EML1: variants seen among roughly 807,000 people sequenced by gnomAD.
The protein encoded by EML1 is echinoderm microtubule-associated protein-like 1.
In EML1, 27 loss-of-function variants were observed where a neutral mutation model predicts 110.4. The observed-to-expected ratio is 0.24, with a 90% confidence interval of 0.18 to 0.34. The LOEUF (loss-of-function observed/expected upper bound fraction) is 0.34, where lower values mean the gene tolerates loss of function less well. EML1 is among the 10% of genes least tolerant of loss of function. The probability of loss-of-function intolerance (pLI) is 1.00; values close to 1 mark genes in which losing one functional copy is unlikely to be tolerated. For missense variants in EML1, 741 were observed against 1,030.9 expected, an observed-to-expected ratio of 0.72 and a Z score of 3.85; for synonymous variants, 344 against 385.8, an observed-to-expected ratio of 0.89 and a Z score of 1.27.
At chr14:99,791,751 C>T (rs912844390), upstream of EML1, among the ~76,000 whole-genome samples, 4 of 152,194 alleles carry the variant, frequency 2.6e-5, no homozygotes, top group African/African-American at 9.7e-5. Context: ...ACACAGCTCT[C>T]AACAGTGGCC....
At chr14:99,833,675 G>A (rs1356838120) in intron 1 of EML1, among the ~76,000 whole-genome samples, 1 of 152,212 alleles carries the variant, frequency 6.6e-6, no homozygotes, top group African/African-American at 2.4e-5. Flanking sequence ...TCTCTCAGCA[G>A]TGTTTTCTGA....
At chr14:99,848,514 C>T (rs1201770461) in intron 1 of EML1, among the ~76,000 whole-genome samples, 1 of 152,076 alleles carries the variant, frequency 6.6e-6, no homozygotes, top group Non-Finnish European at 1.5e-5. Context: ...ATGAAAGCCA[C>T]TTATAATTAA....
intron 1 of EML1, 27 bp from the exon 2 acceptor site, chr14:99,850,826 G>A (rs780762730): frequency 1.2e-6 from 2 of 1,605,604 alleles, no homozygotes; most frequent in Admixed American, 3.4e-5. Flanking sequence ...AACACTTAAA[G>A]CTCACTTGAT....
At position 99,905,181 on chromosome 14, in the gene EML1, G is replaced by A. The variant is rs1273211095; in HGVS notation, c.1009-2457G>A. ...GCTGCACCACAGCCCTAGGGGCCAA[G>A]CCACATCATAAAGGAAAATTATCTT... On this transcript the variant is annotated intron_variant, in intron 9 of 21. Coordinates refer to ENST00000262233, the MANE Select transcript of EML1 (RefSeq NM_004434.3). The surrounding 1 kb of genome is among the most constrained non-coding windows in gnomAD (Gnocchi z 4.1). Among the ~76,000 whole-genome samples the A allele has an allele frequency of 2.0e-5, 3 of 152,184 alleles. No individual in the cohort carries two copies. The highest frequency in any genetic ancestry group is 4.4e-5 in the Non-Finnish European group (3 of 68,046).
At chr14:99,789,219 T>C (rs2057632556), upstream of EML1, among the ~76,000 whole-genome samples, 1 of 151,648 alleles carries the variant, frequency 6.6e-6, no homozygotes, top group South Asian at 2.1e-4. Context: ...CATTTATTTA[T>C]TTTTTTTGAG....
chr14:99,824,166 G>A (rs566734250), intron 1 of EML1, among the ~76,000 whole-genome samples: 3 of 152,068 alleles, frequency 2.0e-5, no homozygotes, highest in East Asian at 3.9e-4. Context: ...CACTATGTTG[G>A]TCTGGCTGGT....
intron 1 of EML1, among the ~76,000 whole-genome samples, chr14:99,756,865 A>G (rs2057261411): frequency 6.6e-6 from 1 of 152,106 alleles, no homozygotes; most frequent in Non-Finnish European, 1.5e-5. Context: ...CCAGCCTCAC[A>G]CATCCGCACG....
At position 99,939,802 on chromosome 14, in the gene EML1, C is replaced by T. The variant is rs980371988; in HGVS notation, c.2323-185C>T. ...CTCGTGTCTGTCCCCTACCAGGCCACGAGGACTGTGGGCTTTGTTTCTGTG... is the reference window on the plus strand; with the variant it reads ...CTCGTGTCTGTCCCCTACCAGGCCATGAGGACTGTGGGCTTTGTTTCTGTG... On this transcript the variant is annotated intron_variant, in intron 21 of 21. Coordinates refer to ENST00000262233, the MANE Select transcript of EML1 (RefSeq NM_004434.3). The surrounding 1 kb of genome is among the most constrained non-coding windows in gnomAD (Gnocchi z 4.2). Among the ~76,000 whole-genome samples the T allele has an allele frequency of 7.2e-5, 11 of 152,114 alleles. No homozygotes were observed. The South Asian group carries it at 8.3e-4, about 11-fold the overall frequency.
upstream of EML1, among the ~76,000 whole-genome samples, chr14:99,770,779 A>ATTTT (rs34744469): frequency 0.013 from 1,221 of 91,586 alleles, 35 homozygotes; most frequent in Middle Eastern, 0.023. Flanking sequence ...GTTTCCGCTG[A>ATTTT]TTTTTTTTTT....
chr14:99,782,185 A>G (rs1299904929), intron 1 of EML1, among the ~76,000 whole-genome samples: 1 of 149,778 alleles, frequency 6.7e-6, no homozygotes, highest in East Asian at 2.0e-4. Context: ...CTCTTATTCC[A>G]TCTTCCATTG....
chr14:99,795,841 A>G (rs1172868900), intron 1 of EML1, among the ~76,000 whole-genome samples: 1 of 152,200 alleles, frequency 6.6e-6, no homozygotes, highest in Non-Finnish European at 1.5e-5. Flanking sequence ...ACAGAAACTA[A>G]AAAATCATGG....
In EML1 at chr14:99,936,069, C is replaced by T; in HGVS notation, c.1950C>T (p.Ile650=). Residue 650 remains isoleucine, a synonymous_variant, in exon 18 of 22, where the codon ATC becomes ATT. Coordinates refer to ENST00000262233, the MANE Select transcript of EML1 (RefSeq NM_004434.3). This position sits in a 1 kb window ranked among gnomAD's most constrained non-coding sequence, Gnocchi z 5.5. ...CCATAGGCTCACATGACAACTGCAT[C>T]TATATATATGGCGTTAGTGACAACG... ...FLAIGSHDNC[I]YIYGVSDNGR... 6.2e-7 allele frequency: 1 copy of T among 1,614,110 alleles called. No homozygotes were observed. The highest frequency in any genetic ancestry group is 2.2e-5 in the East Asian group (1 of 44,886).
chr14:99,826,162 G>A (rs570358535), intron 1 of EML1, among the ~76,000 whole-genome samples: 1 of 144,038 alleles, frequency 6.9e-6, no homozygotes, highest in Non-Finnish European at 1.5e-5. Context: ...ACCCAGGCTG[G>A]AGTGCAGTGG....
Position 99,796,186 on chromosome 14 carries a change from CAGAGAGAGAGAGAGAGAG to C in EML1, c.67+2671_67+2688del, listed in dbSNP as rs57818494. ...TGGGTGACAAAGTGAGACCCTGTCT[CAGAGAGAGAGAGAGAGAG>C]AGAGAGAGAGAGAGAGAGAGAGAGA... On this transcript the variant is annotated intron_variant, in intron 1 of 21. Coordinates refer to ENST00000262233, the MANE Select transcript of EML1 (RefSeq NM_004434.3). Among the ~76,000 whole-genome samples the C allele has an allele frequency of 1.9e-3, 229 of 119,298 alleles. 2 individuals carry two copies. The highest frequency in any genetic ancestry group is 4.8e-3 in the African/African-American group (156 of 32,314). The allele number at this position is 119,298 out of a possible 152,430, so 78.3% of individuals were successfully genotyped here.
In EML1 at chr14:99,937,809, T is replaced by G; in HGVS notation, c.2096-8T>G. ...CTTAGATGTTGCCAGACTGTTTGCT[T>G]TTTGCAGGGGTTCCCTCTGCCTGTA... On this transcript the variant is annotated splice_region_variant and splice_polypyrimidine_tract_variant and intron_variant, in intron 19 of 21. Coordinates refer to ENST00000262233, the MANE Select transcript of EML1 (RefSeq NM_004434.3). 3.1e-6 allele frequency: 5 copies of G among 1,613,534 alleles called. No individual in the cohort carries two copies. Among genetic ancestry groups the G allele is most frequent in the Non-Finnish European group, 4.2e-6 (5 of 1,179,608 alleles).
chr14:99,770,776 C>CGGGTTTT (rs2057417184), upstream of EML1, among the ~76,000 whole-genome samples: 1 of 111,588 alleles, frequency 9.0e-6, no homozygotes, highest in African/African-American at 3.6e-5. Flanking sequence ...GCAGTTTCCG[C>CGGGTTTT]TGATTTTTTT....
intron 1 of EML1, among the ~76,000 whole-genome samples, chr14:99,830,584 C>A (rs1001859758): frequency 6.6e-6 from 1 of 151,362 alleles, no homozygotes; most frequent in Non-Finnish European, 1.5e-5. Context: ...GAGTCTAGCT[C>A]TTGTCACCCA....
intron 1 of EML1, among the ~76,000 whole-genome samples, chr14:99,774,999 G>C (rs181014019): frequency 8.5e-5 from 13 of 152,182 alleles, no homozygotes; most frequent in Admixed American, 4.6e-4. Context: ...CAGAAAAAAA[G>C]CTTTTCTGTT....
At chr14:99,850,472 C>G (rs1360615697) in intron 1 of EML1, 1 of 689,600 alleles carries the variant, frequency 1.5e-6, no homozygotes, top group Non-Finnish European at 2.1e-6. Context: ...GGAACAGAAG[C>G]TAGAAGACCA....
Sources: gnomAD v4.1 joint callset for allele counts (sites outside exome capture counted in the v4.1 genomes callset) on GRCh38, gnomAD v4.1.1 for gene constraint, Gnocchi (gnomAD v3.1) non-coding constraint, MANE v1.5 for transcripts, NCBI Gene and HGNC (gene_info 2026-07-23, HGNC 2026-07-21) for gene names.